Variants in ATP2B2 observed in about 807,000 individuals in gnomAD.
ATP2B2 encodes the protein ATPase plasma membrane Ca2+ transporting 2, also known as plasma membrane calcium-transporting ATPase 2.
Under a neutral mutation model 120.0 loss-of-function variants are expected in ATP2B2, and 15 were observed. That is an observed-to-expected ratio of 0.12 (90% confidence interval 0.08 to 0.19). The LOEUF (loss-of-function observed/expected upper bound fraction) is 0.19. Among genes scored for constraint, ATP2B2 ranks in the 10% least tolerant of loss-of-function variants. The probability of loss-of-function intolerance (pLI) is 1.00; values close to 1 mark genes in which losing one functional copy is unlikely to be tolerated. For missense variants in ATP2B2, 1,045 were observed against 1,719.8 expected (o/e 0.61, Z 6.94); for synonymous variants, 694 against 700.3 (o/e 0.99, Z 0.14).
intron 1 of ATP2B2, among the ~76,000 whole-genome samples, chr3:10,473,200 A>G (rs534150343): frequency 2.6e-5 from 4 of 152,010 alleles, no homozygotes; most frequent in African/African-American, 4.8e-5. Flanking sequence ...CTCTTGCCCA[A>G]TCTCCTACTT....
At chr3:10,355,561 A>C (rs1177635431) in intron 14 of ATP2B2, among the ~76,000 whole-genome samples, 1 of 152,096 alleles carries the variant, frequency 6.6e-6, no homozygotes, top group Non-Finnish European at 1.5e-5. Flanking sequence ...AGCTGAGAAC[A>C]CTGAGGCTCA....
At chr3:10,565,342 C>T (rs960305109) in intron 2 of ATP2B2, among the ~76,000 whole-genome samples, 1 of 152,168 alleles carries the variant, frequency 6.6e-6, no homozygotes, top group Non-Finnish European at 1.5e-5. Flanking sequence ...ATGACTGTGT[C>T]CGGGTTTCCC....
intron 1 of ATP2B2, among the ~76,000 whole-genome samples, chr3:10,624,403 A>G (rs947307102): frequency 6.6e-6 from 1 of 152,044 alleles, no homozygotes; most frequent in Non-Finnish European, 1.5e-5. Context: ...CTGGGTCTCC[A>G]TCACAAGAAT....
intron 1 of ATP2B2, among the ~76,000 whole-genome samples, chr3:10,657,158 G>T (rs112495389): frequency 1.3e-5 from 2 of 152,324 alleles, no homozygotes; most frequent in African/African-American, 4.8e-5. Context: ...AAGTTGGAGA[G>T]ACTCAGGTGG....
rs544992164 is a variant in ATP2B2 at position 10,657,946 on chromosome 3, C to T, written c.-459-37985G>A. On this transcript the variant is annotated intron_variant, in intron 1 of 21. Transcript: ENST00000646379. ...GCAACATATGCTGTTCAGCAATATT[C>T]GCTGTTCTGCAGCCTCTGCTGGTGA... is the stretch of plus-strand genomic sequence containing the variant. 7.9e-5 allele frequency among the ~76,000 whole-genome samples: 12 copies of T among 152,338 alleles called. No individual in the cohort carries two copies. In the East Asian group the frequency reaches 1.9e-3, roughly 25 times the overall value.
At chr3:10,517,143 C>G (rs1366589184) in intron 3 of ATP2B2, among the ~76,000 whole-genome samples, 1 of 152,242 alleles carries the variant, frequency 6.6e-6, no homozygotes, top group African/African-American at 2.4e-5. Flanking sequence ...TGATTCACTG[C>G]CTCGGTGAAG....
At chr3:10,443,678 G>A (rs78443552) in intron 2 of ATP2B2, among the ~76,000 whole-genome samples, 4,577 of 152,278 alleles carry the variant, frequency 0.03, 87 homozygotes, top group Middle Eastern at 0.054. Context: ...AGCCAGCCGT[G>A]CCGGAGGCCA....
chr3:10,399,877 T>C (rs1206709013), intron 5 of ATP2B2, among the ~76,000 whole-genome samples: 1 of 152,234 alleles, frequency 6.6e-6, no homozygotes, highest in African/African-American at 2.4e-5. Context: ...GCTCCTTCCT[T>C]GGCTTTCTCA....
intron 3 of ATP2B2, among the ~76,000 whole-genome samples, chr3:10,403,001 G>T (rs1050919011): frequency 6.6e-6 from 1 of 151,772 alleles, no homozygotes; most frequent in Non-Finnish European, 1.5e-5. Context: ...GCAGTTTGCC[G>T]CTGTCCTCTT....
intron 2 of ATP2B2, among the ~76,000 whole-genome samples, chr3:10,571,024 C>T (rs1050106297): frequency 1.3e-5 from 2 of 152,216 alleles, no homozygotes; most frequent in Non-Finnish European, 2.9e-5. Flanking sequence ...TTTCACATAT[C>T]CCAGGCCACA....
intron 2 of ATP2B2, among the ~76,000 whole-genome samples, chr3:10,542,099 T>C (rs1425314878): frequency 6.6e-6 from 1 of 152,208 alleles, no homozygotes; most frequent in African/African-American, 2.4e-5. Context: ...TGTTTGCATG[T>C]GATTTTTTCT....
chr3:10,604,684 C>A (rs1383169526), intron 2 of ATP2B2, among the ~76,000 whole-genome samples: 2 of 152,214 alleles, frequency 1.3e-5, no homozygotes, highest in Non-Finnish European at 2.9e-5. Flanking sequence ...TCCCTGACAT[C>A]TCTGGAAAAC....
rs1038286341 is a variant in ATP2B2 at position 10,651,026 on chromosome 3, A to G, written c.-459-31065T>C. Among the ~76,000 whole-genome samples the G allele has an allele frequency of 2.0e-5, 3 of 152,212 alleles. No homozygotes were observed. In the East Asian group the frequency reaches 5.8e-4, roughly 29 times the overall value. On this transcript the variant is annotated intron_variant, in intron 1 of 21. Transcript: ENST00000646379. ...TTTTGGCCAATTTCTCCCATTTGGA[A>G]TGGCTGTAGTTACCCAATGCCTGTA...
intron 1 of ATP2B2, among the ~76,000 whole-genome samples, chr3:10,467,403 T>A (rs2064793539): frequency 6.6e-6 from 1 of 152,172 alleles, no homozygotes. Flanking sequence ...GTAAATCCTA[T>A]GCTAACCCCA....
chr3:10,678,014 C>T (rs2071286533), intron 1 of ATP2B2, among the ~76,000 whole-genome samples: 1 of 152,096 alleles, frequency 6.6e-6, no homozygotes, highest in Non-Finnish European at 1.5e-5. Context: ...AAAATACTGT[C>T]CAAGGTCACA....
intron 14 of ATP2B2, among the ~76,000 whole-genome samples, chr3:10,354,239 A>T (rs1461454106): frequency 3.3e-5 from 5 of 152,188 alleles, no homozygotes; most frequent in African/African-American, 1.2e-4. Context: ...CTTATTGGAC[A>T]AACAGCTCTG....
At chr3:10,612,414 C>T (rs1185904487) in intron 2 of ATP2B2, among the ~76,000 whole-genome samples, 1 of 152,142 alleles carries the variant, frequency 6.6e-6, no homozygotes, top group African/African-American at 2.4e-5. Flanking sequence ...TGCTGCTCAC[C>T]CTTCCTTGCA....
At chr3:10,359,837 C>A (rs1029015975) in intron 13 of ATP2B2, 45 bp downstream of exon 13, 1 of 1,612,980 alleles carries the variant, frequency 6.2e-7, no homozygotes, top group African/African-American at 1.3e-5. Context: ...CAGCTCCCTG[C>A]ACCAGGGCAC....
rs2059904472 is a variant in ATP2B2 at position 10,328,737 on chromosome 3, C to G, written c.*77G>C. 4 of 1,456,754 alleles carry G rather than the reference C, an allele frequency of 2.7e-6. No individual in the cohort carries two copies. The highest frequency in any genetic ancestry group is 3.7e-6 in the Non-Finnish European group (4 of 1,075,518). 90.2% of individuals were successfully genotyped at this position (1,456,754 alleles called of 1,614,324 possible). A position where few individuals can be genotyped will look rare whatever the true frequency, so the allele number is the denominator to read the frequency against. On this transcript the variant is annotated 3_prime_UTR_variant, in exon 23 of 23. Coordinates refer to ENST00000360273, the MANE Select transcript of ATP2B2 (RefSeq NM_001001331.4). ...CGTTGCTGCTTGGGTGAGTTGGGTG[C>G]CTGGATGGATGGGTGCCCGGAAAGC...
Sources: gnomAD v4.1 joint callset for allele counts (sites outside exome capture counted in the v4.1 genomes callset) on GRCh38, gnomAD v4.1.1 for gene constraint, MANE v1.5 for transcripts, NCBI Gene and HGNC (gene_info 2026-07-23, HGNC 2026-07-21) for gene names.